The following PTGDR variants were observed in gnomAD, a reference collection of about 807,000 sequenced individuals.
The protein encoded by PTGDR is PGD2 receptor.
In PTGDR, 19 loss-of-function variants were observed where a neutral mutation model predicts 17.4. That is an observed-to-expected ratio of 1.09 (90% CI 0.76 to 1.60). The LOEUF is 1.60. Among genes scored for constraint, PTGDR ranks in the 40% most tolerant of loss-of-function variants. The pLI, the probability that PTGDR is intolerant of heterozygous loss-of-function variation, is 0.00. For synonymous variants in PTGDR, 267 were observed against 224.2 expected (o/e 1.19, Z -1.71); for missense variants, 526 against 481.9 (o/e 1.09, Z -0.86).
rs2033259350 is a variant in PTGDR at position 52,268,507 on chromosome 14, G to A, written c.693G>A (p.Arg231=). Residue 231 remains arginine, a synonymous_variant, in exon 1 of 2, where the codon CGG becomes CGA. Coordinates refer to ENST00000306051, the MANE Select transcript of PTGDR (RefSeq NM_000953.3). ...GCAACCTCTATGCGATGCACCGGCG[G>A]CTGCAGCGGCACCCGCGCTCCTGCA... ...AMRNLYAMHR[R]LQRHPRSCTR... is the part of the protein sequence containing the mutation. 1.9e-6 allele frequency: 3 copies of A among 1,611,100 alleles called. No homozygotes were observed. Among genetic ancestry groups the A allele is most frequent in the Non-Finnish European group, 2.5e-6 (3 of 1,179,690 alleles).
intron 1 of PTGDR, among the ~76,000 whole-genome samples, chr14:52,270,318 C>T (rs1004934314): frequency 1.3e-5 from 2 of 152,218 alleles, no homozygotes; most frequent in African/African-American, 2.4e-5. Flanking sequence ...GAGGCCGAGG[C>T]GGGCAGATCA....
chr14:52,279,539 C>T (rs773489482), downstream of PTGDR, among the ~76,000 whole-genome samples: 21 of 152,146 alleles, frequency 1.4e-4, no homozygotes, highest in Admixed American at 3.9e-4. Context: ...CTGGGTGTTC[C>T]CAGACTCTAG....
chr14:52,268,740 G>T, intron 1 of PTGDR, 80 bp downstream of exon 1: 2 of 1,429,654 alleles, frequency 1.4e-6, no homozygotes, highest in East Asian at 2.3e-5. Context: ...GGAGCGGATC[G>T]GGATGGACGC....
chr14:52,268,240 G>A lies in PTGDR; in HGVS notation c.426G>A (p.Arg142=). Reference sequence around the variant, plus strand: ...TAGGGCACCCTTTCTTCTACCGACGGCACATCACCCTGCGCCTGGGCGCAC... The same window carrying A: ...TAGGGCACCCTTTCTTCTACCGACGACACATCACCCTGCGCCTGGGCGCAC... ...LSLGHPFFYR[R]HITLRLGALV... is the part of the protein sequence containing the mutation. Residue 142 remains arginine, a synonymous_variant, in exon 1 of 2, where the codon CGG becomes CGA. Transcript: ENST00000306051. 1.2e-6 allele frequency: 2 copies of A among 1,613,962 alleles called. No individual in the cohort carries two copies. The highest frequency in any genetic ancestry group is 1.7e-6 in the Non-Finnish European group (2 of 1,180,048).
chr14:52,269,240 G>C (rs917346728), intron 1 of PTGDR, among the ~76,000 whole-genome samples: 1 of 152,164 alleles, frequency 6.6e-6, no homozygotes, highest in African/African-American at 2.4e-5. Flanking sequence ...AGACGCCACG[G>C]CTGCTGTTTC....
Position 52,268,592 on chromosome 14 carries a change from G to T in PTGDR, c.778G>T (p.Glu260Ter). ...GGAAGCGTCCCCTCAGCCCCTGGAG[G>T]AGCTGGATCACCTCCTGCTGCTGGC... ...GREASPQPLE[E>*]LDHLLLLALM... Residue 260 changes from glutamate to a stop codon, truncating the protein, a stop_gained, in exon 1 of 2, where the codon GAG becomes TAG. Coordinates refer to ENST00000306051, the MANE Select transcript of PTGDR (RefSeq NM_000953.3). LOFTEE classifies it high-confidence loss of function. The T allele has an allele frequency of 6.2e-7, 1 of 1,611,228 alleles. No individual in the cohort carries two copies.
At chr14:52,279,771 T>G (rs1594623802), downstream of PTGDR, among the ~76,000 whole-genome samples, 1 of 151,110 alleles carries the variant, frequency 6.6e-6, no homozygotes, top group East Asian at 1.9e-4. Context: ...ACCCTAAAAC[T>G]TAAAGTATAA....
At chr14:52,277,499 A>C (rs1372002719), downstream of PTGDR, among the ~76,000 whole-genome samples, 1 of 152,124 alleles carries the variant, frequency 6.6e-6, no homozygotes, top group East Asian at 1.9e-4. Context: ...ACAACAAAAA[A>C]CCTATGACTC....
intron 1 of PTGDR, among the ~76,000 whole-genome samples, chr14:52,270,201 T>C (rs1297153332): frequency 6.6e-6 from 1 of 152,108 alleles, no homozygotes; most frequent in Non-Finnish European, 1.5e-5. Flanking sequence ...TCAAGAAAAA[T>C]ACTGTTCCAA....
At position 52,276,176 on chromosome 14, in the gene PTGDR, A is replaced by C. The variant is rs1342673339; in HGVS notation, c.*1212A>C. On this transcript the variant is annotated 3_prime_UTR_variant, in exon 2 of 2. Transcript: ENST00000306051. Reference sequence around the variant, plus strand: ...AAACGCAGCTGCAACTGAAGCGGAGACTCTAAACCCAGCTTGCAGGTAAGA... The same window carrying C: ...AAACGCAGCTGCAACTGAAGCGGAGCCTCTAAACCCAGCTTGCAGGTAAGA... 6.6e-6 allele frequency: 1 copy of C among 152,164 alleles called. No homozygotes were observed. Among genetic ancestry groups the C allele is most frequent in the Non-Finnish European group, 1.5e-5 (1 of 68,048 alleles). The allele number at this position is 152,164 out of a possible 1,614,324, so 9.4% of individuals were successfully genotyped here. A position where few individuals can be genotyped will look rare whatever the true frequency, so the allele number is the denominator to read the frequency against.
intron 1 of PTGDR, among the ~76,000 whole-genome samples, chr14:52,271,797 A>G (rs1002549841): frequency 6.6e-6 from 1 of 152,246 alleles, no homozygotes; most frequent in Non-Finnish European, 1.5e-5. Flanking sequence ...AAAAAGGCAA[A>G]TCACATGTTT....
chr14:52,268,974 AG>A (rs1487288498), intron 1 of PTGDR, among the ~76,000 whole-genome samples: 3 of 151,672 alleles, frequency 2.0e-5, no homozygotes, highest in African/African-American at 7.3e-5. Flanking sequence ...GGAGATCTCG[AG>A]GTCATTTTTG....
In PTGDR at chr14:52,275,038, A is replaced by G. The variant is rs1594621702; in HGVS notation, c.*74A>G. On this transcript the variant is annotated 3_prime_UTR_variant, in exon 2 of 2. Transcript: ENST00000306051. ...TCAAAGAACCATGATTAAAAAAAAA[A>G]AGACAACTTACAATTTAAATCCTTA... 8.4e-7 allele frequency: 1 copy of G among 1,188,524 alleles called. No homozygotes were observed. The highest frequency in any genetic ancestry group is 2.6e-5 in the East Asian group (1 of 39,100). The allele number at this position is 1,188,524 out of a possible 1,614,324, so 73.6% of individuals were successfully genotyped here.
In PTGDR at chr14:52,275,129, T is replaced by C. The variant is rs1237828820; in HGVS notation, c.*165T>C. 5 of 631,558 alleles carry C rather than the reference T, an allele frequency of 7.9e-6. No individual in the cohort carries two copies. The highest frequency in any genetic ancestry group is 1.3e-5 in the Non-Finnish European group (5 of 371,950). The allele number at this position is 631,558 out of a possible 1,614,324, so 39.1% of individuals were successfully genotyped here. A position where few individuals can be genotyped will look rare whatever the true frequency, so the allele number is the denominator to read the frequency against. ...AAAAGTATTTGATATCTTAACAATG[T>C]GTTACCATTCTATAGTCATGAACCC... On this transcript the variant is annotated 3_prime_UTR_variant, in exon 2 of 2. Transcript: ENST00000306051.
downstream of PTGDR, among the ~76,000 whole-genome samples, chr14:52,277,562 G>A (rs41315120): frequency 0.011 from 1,649 of 152,282 alleles, 26 homozygotes; most frequent in Middle Eastern, 0.034. Context: ...TGGCGAGTTC[G>A]TAAATGTGTA....
chr14:52,269,567 TA>T, intron 1 of PTGDR: 1 of 1,484,326 alleles, frequency 6.7e-7, no homozygotes, highest in South Asian at 1.2e-5. Context: ...AAACAATACT[TA>T]CAGAAATTCC....
rs2033229927 is a variant in PTGDR, at chr14:52,267,858, A to C, written c.44A>C (p.Glu15Ala). 5.6e-6 allele frequency: 9 copies of C among 1,595,234 alleles called. No homozygotes were observed. The highest frequency in any genetic ancestry group is 6.8e-6 in the Non-Finnish European group (8 of 1,170,036). Residue 15 changes from glutamate (E) to alanine (A), a missense_variant, in exon 1 of 2, where the codon GAA becomes GCA. Coordinates refer to ENST00000306051, the MANE Select transcript of PTGDR (RefSeq NM_000953.3). ...FYRCQNTTSVEKGNSAVMGGV... is the reference protein window; with the variant it reads ...FYRCQNTTSVAKGNSAVMGGV... Reference sequence around the variant, plus strand: ...CGCTGCCAGAACACCACCTCTGTGGAAAAAGGCAACTCGGCGGTGATGGGC... The same window carrying C: ...CGCTGCCAGAACACCACCTCTGTGGCAAAAGGCAACTCGGCGGTGATGGGC...
chr14:52,268,456 C>T lies in PTGDR; in HGVS notation c.642C>T (p.Thr214=). The T allele has an allele frequency of 6.2e-7, 1 of 1,610,006 alleles. No individual in the cohort carries two copies. The highest frequency in any genetic ancestry group is 8.5e-7 in the Non-Finnish European group (1 of 1,180,002). ...SSLMALLVLA[T]VLCNLGAMRN... is the part of the protein sequence containing the mutation. ...TCATGGCGCTGCTGGTCCTCGCCAC[C>T]GTGCTGTGCAACCTCGGCGCCATGC... The change falls in exon 1 of 2, where the codon ACC becomes ACT. Residue 214 remains threonine (T), a synonymous_variant. Transcript: ENST00000306051.
chr14:52,273,702 C>T (rs7145628), intron 1 of PTGDR, among the ~76,000 whole-genome samples: 12,503 of 152,192 alleles, frequency 0.082, 576 homozygotes, highest in South Asian at 0.16. Flanking sequence ...GCATCTTCTC[C>T]AGGAGATGCT....
Sources: gnomAD v4.1 joint callset for allele counts (sites outside exome capture counted in the v4.1 genomes callset) on GRCh38, gnomAD v4.1.1 for gene constraint, MANE v1.5 for transcripts, NCBI Gene and HGNC (gene_info 2026-07-23, HGNC 2026-07-21) for gene names.